Variants in SGCZ observed in about 807,000 individuals in gnomAD.
SGCZ encodes the protein zeta-sarcoglycan.
In SGCZ, 40 loss-of-function variants were observed where a neutral mutation model predicts 41.3. That is an observed-to-expected ratio of 0.97 (90% CI 0.75 to 1.26). The LOEUF (loss-of-function observed/expected upper bound fraction) is 1.26, where lower values mean the gene tolerates loss of function less well. SGCZ is among the 50% of genes most tolerant of loss of function. The probability of loss-of-function intolerance (pLI) is 0.00; values close to 1 mark genes in which losing one functional copy is unlikely to be tolerated. For missense variants in SGCZ, 552 were observed against 369.8 expected (o/e 1.49, Z -4.04); for synonymous variants, 206 against 137.5 (o/e 1.50, Z -3.49).
At chr8:14,698,010 C>T (rs1301726284) in intron 1 of SGCZ, among the ~76,000 whole-genome samples, 2 of 151,936 alleles carry the variant, frequency 1.3e-5, no homozygotes, top group African/African-American at 2.4e-5. Context: ...GAATTATTTT[C>T]ATTTCAAAAG....
At chr8:15,026,649 G>C (rs1271258400) in intron 1 of SGCZ, among the ~76,000 whole-genome samples, 2 of 152,178 alleles carry the variant, frequency 1.3e-5, no homozygotes, top group Non-Finnish European at 2.9e-5. Context: ...CTCAGCTTGA[G>C]AGATTCATTG....
At chr8:14,881,123 T>C (rs1442663128) in intron 1 of SGCZ, among the ~76,000 whole-genome samples, 1 of 152,096 alleles carries the variant, frequency 6.6e-6, no homozygotes, top group East Asian at 1.9e-4. Context: ...GCCTACAACT[T>C]ATTTTACATA....
chr8:14,662,830 T>C (rs1807798489), intron 1 of SGCZ, among the ~76,000 whole-genome samples: 1 of 152,034 alleles, frequency 6.6e-6, no homozygotes, highest in Admixed American at 6.6e-5. Context: ...GTCTGAGAGA[T>C]GCAACAGGAG....
chr8:15,187,246 C>T (rs1423808963), intron 1 of SGCZ, among the ~76,000 whole-genome samples: 1 of 152,014 alleles, frequency 6.6e-6, no homozygotes, highest in Non-Finnish European at 1.5e-5. Context: ...CAAATCAACT[C>T]CATATTTATA....
At chr8:14,265,218 C>T (rs1799829612) in intron 3 of SGCZ, among the ~76,000 whole-genome samples, 1 of 152,106 alleles carries the variant, frequency 6.6e-6, no homozygotes, top group Non-Finnish European at 1.5e-5. Flanking sequence ...GAATACCAGT[C>T]ATTGGCACTC....
intron 1 of SGCZ, among the ~76,000 whole-genome samples, chr8:14,577,636 C>G (rs1214626872): frequency 6.6e-6 from 1 of 152,124 alleles, no homozygotes; most frequent in Non-Finnish European, 1.5e-5. Context: ...GATCTGCCCG[C>G]CTCAGCCTCC....
chr8:14,853,498 C>A, intron 1 of SGCZ: 1 of 532,944 alleles, frequency 1.9e-6, no homozygotes, highest in Non-Finnish European at 3.9e-6. Context: ...CAATCACCTT[C>A]TGATCTGAGG....
chr8:15,024,726 G>T (rs987532460), intron 1 of SGCZ, among the ~76,000 whole-genome samples: 3 of 152,044 alleles, frequency 2.0e-5, no homozygotes, highest in African/African-American at 7.2e-5. Context: ...CATGAGGTCA[G>T]GAGATCGAGA....
intron 1 of SGCZ, among the ~76,000 whole-genome samples, chr8:14,916,368 C>T (rs527390102): frequency 6.6e-6 from 1 of 152,124 alleles, no homozygotes; most frequent in South Asian, 2.1e-4. Context: ...ACCTCAAATA[C>T]AAAGAAATAT....
intron 2 of SGCZ, among the ~76,000 whole-genome samples, chr8:14,348,301 T>C (rs377009115): frequency 2.0e-5 from 3 of 152,070 alleles, no homozygotes; most frequent in Non-Finnish European, 2.9e-5. Context: ...GCAGCTTGAA[T>C]CCAGACATCT....
intron 2 of SGCZ, among the ~76,000 whole-genome samples, chr8:14,515,944 A>C (rs1563379807): frequency 6.6e-6 from 1 of 152,108 alleles, no homozygotes; most frequent in Non-Finnish European, 1.5e-5. Flanking sequence ...ATGATCCAGT[A>C]AGCAATACCT....
chr8:14,709,751 C>T (rs1488075876), intron 1 of SGCZ, among the ~76,000 whole-genome samples: 1 of 151,922 alleles, frequency 6.6e-6, no homozygotes, highest in Non-Finnish European at 1.5e-5. Flanking sequence ...TAGAACCATC[C>T]ATTCTGGTAC....
chr8:14,989,248 G>A (rs1801927787), intron 1 of SGCZ, among the ~76,000 whole-genome samples: 1 of 152,120 alleles, frequency 6.6e-6, no homozygotes, highest in Non-Finnish European at 1.5e-5. Flanking sequence ...CAGTAGTAAT[G>A]GAGAAAATTA....
intron 1 of SGCZ, among the ~76,000 whole-genome samples, chr8:14,995,306 G>C (rs757790944): frequency 3.9e-5 from 6 of 152,236 alleles, no homozygotes; most frequent in Non-Finnish European, 8.8e-5. Context: ...AGAAGTGTGG[G>C]GATGATGACC....
intron 2 of SGCZ, among the ~76,000 whole-genome samples, chr8:14,425,145 A>C (rs1799743208): frequency 3.9e-5 from 6 of 152,134 alleles, no homozygotes; most frequent in Admixed American, 3.9e-4. Context: ...GAGCTTTCTA[A>C]ACAGTGAAGT....
At chr8:14,517,079 G>A (rs536879122) in intron 2 of SGCZ, among the ~76,000 whole-genome samples, 17 of 152,120 alleles carry the variant, frequency 1.1e-4, no homozygotes, top group African/African-American at 4.1e-4. Flanking sequence ...TTCGTAATGC[G>A]TGACGGAAAC....
In SGCZ at chr8:14,764,135, A is replaced by G. The variant is rs374387722; in HGVS notation, c.40-209209T>C. Among the ~76,000 whole-genome samples, 52 of 152,318 alleles carry G rather than the reference A, an allele frequency of 3.4e-4. No homozygotes were observed. The Middle Eastern group carries it at 0.01, about 30-fold the overall frequency. ...GGGAACATATCAAAAAGGACAAAGGAGCCACTTCAAAGAGTTTGTCCTAGA... is the reference window on the plus strand; with the variant it reads ...GGGAACATATCAAAAAGGACAAAGGGGCCACTTCAAAGAGTTTGTCCTAGA... On this transcript the variant is annotated intron_variant, in intron 1 of 7. Coordinates refer to ENST00000382080, the MANE Select transcript of SGCZ (RefSeq NM_139167.4).
intron 1 of SGCZ, among the ~76,000 whole-genome samples, chr8:14,865,459 T>C (rs1222922002): frequency 6.6e-6 from 1 of 151,932 alleles, no homozygotes; most frequent in Non-Finnish European, 1.5e-5. Flanking sequence ...AATCAACCCC[T>C]GTGAATGAAT....
chr8:15,201,987 T>C (rs909306454), intron 1 of SGCZ, among the ~76,000 whole-genome samples: 1 of 152,222 alleles, frequency 6.6e-6, no homozygotes, highest in South Asian at 2.1e-4. Flanking sequence ...TTTTTCATTC[T>C]GATTTAAAAG....
Sources: gnomAD v4.1 joint callset for allele counts (sites outside exome capture counted in the v4.1 genomes callset) on GRCh38, gnomAD v4.1.1 for gene constraint, MANE v1.5 for transcripts, NCBI Gene and HGNC (gene_info 2026-07-23, HGNC 2026-07-21) for gene names.